Variants in YME1L1 observed in about 807,000 individuals in gnomAD.
The protein encoded by YME1L1 is ATP-dependent zinc metalloprotease YME1L1.
In YME1L1, 39 loss-of-function variants were observed where a neutral mutation model predicts 90.4. That is an observed-to-expected ratio of 0.43 (90% CI 0.33 to 0.56). The LOEUF is 0.56. Ranked by LOEUF, YME1L1 falls within the 20% of genes least tolerant of loss-of-function variation. The pLI is 0.03. For synonymous variants in YME1L1, 284 were observed against 287.3 expected, an observed-to-expected ratio of 0.99 and a Z score of 0.12; for missense variants, 617 against 868.4, an observed-to-expected ratio of 0.71 and a Z score of 3.64.
intron 12 of YME1L1, among the ~76,000 whole-genome samples, chr10:27,120,994 GTTAAT>G (rs1270952790): frequency 2.8e-5 from 4 of 141,008 alleles, no homozygotes; most frequent in African/African-American, 5.4e-5. Flanking sequence ...TAATACTACA[GTTAAT>G]TTATTTTAAA....
chr10:27,126,225 T>C (rs1327515711), intron 9 of YME1L1, among the ~76,000 whole-genome samples: 1 of 152,094 alleles, frequency 6.6e-6, no homozygotes, highest in Non-Finnish European at 1.5e-5. Context: ...AGTGGATCGC[T>C]TGAGCCCAGG....
chr10:27,147,522 T>C, intron 2 of YME1L1: 3 of 1,607,956 alleles, frequency 1.9e-6, no homozygotes, highest in African/African-American at 1.4e-5. Flanking sequence ...AGAAGGGTTC[T>C]GGACGGATGT....
At chr10:27,144,985 C>A (rs950666042) in intron 3 of YME1L1, among the ~76,000 whole-genome samples, 5 of 151,852 alleles carry the variant, frequency 3.3e-5, no homozygotes, top group Non-Finnish European at 7.4e-5. Context: ...ACTAAAAATA[C>A]AAAAAATTAG....
At chr10:27,133,172 T>G (rs2056993750) in intron 7 of YME1L1, among the ~76,000 whole-genome samples, 1 of 152,240 alleles carries the variant, frequency 6.6e-6, no homozygotes, top group South Asian at 2.1e-4. Flanking sequence ...TCATGTAGTC[T>G]TCTTCCTCTG....
In YME1L1 at chr10:27,111,960, C is replaced by T. The variant is rs781363362; in HGVS notation, c.*17G>A. 7.4e-6 allele frequency: 12 copies of T among 1,613,826 alleles called. No individual in the cohort carries two copies. Among genetic ancestry groups the T allele is most frequent in the Middle Eastern group, 3.3e-4 (2 of 6,056 alleles). On this transcript the variant is annotated 3_prime_UTR_variant, in exon 19 of 19. Coordinates refer to ENST00000376016, the MANE Select transcript of YME1L1 (RefSeq NM_014263.4). ...TTCTTGCAATAAAACCAGCAAGCAT[C>T]CATATCAAGAGAGTTATCATCTCAC...
At chr10:27,146,991 G>A in intron 2 of YME1L1, 1 of 188,450 alleles carries the variant, frequency 5.3e-6, no homozygotes, top group South Asian at 1.2e-4. Flanking sequence ...ATACTTAAAA[G>A]TACTTTTTAA....
At chr10:27,133,961 G>C (rs2057000975) in intron 7 of YME1L1, 78 bp downstream of exon 7, 5 of 978,588 alleles carry the variant, frequency 5.1e-6, no homozygotes, top group Non-Finnish European at 6.2e-6. Flanking sequence ...CTTTCTTTAA[G>C]GGTTAGATTA....
In YME1L1 at chr10:27,145,539, T is replaced by C. The variant is rs369541464; in HGVS notation, c.220A>G (p.Ile74Val). The change falls in exon 3 of 19, where the codon ATT (isoleucine) becomes GTT (valine). Residue 74 changes from isoleucine (I) to valine (V), a missense_variant. Coordinates refer to ENST00000376016, the MANE Select transcript of YME1L1 (RefSeq NM_014263.4). ...LGLSELKIGQ[I>V]DQLVENLLPG... ...AGTAGATTTTCTACCAGCTGATCAA[T>C]CTGTCCAATTTTTAGTTCAGATAAT... The C allele has an allele frequency of 6.2e-7, 1 of 1,613,662 alleles. No individual in the cohort carries two copies. Among genetic ancestry groups the C allele is most frequent in the South Asian group, 1.1e-5 (1 of 91,054 alleles).
intron 7 of YME1L1, among the ~76,000 whole-genome samples, chr10:27,132,688 G>A (rs1182730873): frequency 4.6e-5 from 7 of 151,714 alleles, no homozygotes; most frequent in Admixed American, 1.3e-4. Flanking sequence ...GCATGGTGGC[G>A]CAAGCCTGTA....
intron 3 of YME1L1, among the ~76,000 whole-genome samples, chr10:27,144,171 C>A (rs183784707): frequency 5.7e-4 from 87 of 152,314 alleles, no homozygotes; most frequent in African/African-American, 2.0e-3. Flanking sequence ...TGTAAATATG[C>A]AGACTAGAAG....
intron 6 of YME1L1, 47 bp downstream of exon 6, chr10:27,134,784 C>A: frequency 6.3e-7 from 1 of 1,595,762 alleles, no homozygotes; most frequent in Non-Finnish European, 8.6e-7. Flanking sequence ...ACTATGACTT[C>A]CTTTCAGTTA....
chr10:27,149,796 C>T (rs916673416), intron 1 of YME1L1, among the ~76,000 whole-genome samples: 15 of 148,014 alleles, frequency 1.0e-4, no homozygotes, highest in African/African-American at 3.5e-4. Flanking sequence ...GTAAGTAGGC[C>T]GGGAATGGTG....
chr10:27,136,422 T>TTATA, intron 4 of YME1L1, 37 bp from the exon 5 acceptor site: 1 of 1,539,848 alleles, frequency 6.5e-7, no homozygotes, highest in Non-Finnish European at 8.9e-7. Flanking sequence ...CACTATAAAT[T>TTATA]GTTACAGGAA....
chr10:27,150,224 T>C (rs781443527), intron 1 of YME1L1, among the ~76,000 whole-genome samples: 1 of 152,110 alleles, frequency 6.6e-6, no homozygotes, highest in Admixed American at 6.6e-5. Context: ...ACTTAATAAA[T>C]ATTTGTTGAG....
intron 8 of YME1L1, among the ~76,000 whole-genome samples, chr10:27,130,876 G>T (rs2056971071): frequency 6.6e-6 from 1 of 152,124 alleles, no homozygotes; most frequent in Non-Finnish European, 1.5e-5. Context: ...AAAAATCTCA[G>T]TAAATGTCAA....
chr10:27,138,999 A>G (rs1351767640), intron 4 of YME1L1, among the ~76,000 whole-genome samples: 2 of 152,158 alleles, frequency 1.3e-5, no homozygotes, highest in African/African-American at 4.8e-5. Context: ...TTTCTTTTCT[A>G]ATCAATATGA....
chr10:27,119,442 A>G lies in YME1L1; in HGVS notation c.1419T>C (p.Asp473=), dbSNP rs778929382. Residue 473 remains aspartate (D), a synonymous_variant, in exon 14 of 19, where the codon GAT becomes GAC. Transcript: ENST00000376016. The part of the protein sequence containing the change: ...LNKIKFDQSV[D]PEIIARGTVG... ...CAGTACCTCGAGCTATAATTTCTGGATCAACGGCTAATGTAAAAAGAGAAC... is the reference window on the plus strand; with the variant it reads ...CAGTACCTCGAGCTATAATTTCTGGGTCAACGGCTAATGTAAAAAGAGAAC... 1.2e-6 allele frequency: 2 copies of G among 1,605,102 alleles called. No homozygotes were observed. The highest frequency in any genetic ancestry group is 1.7e-6 in the Non-Finnish European group (2 of 1,177,574).
intron 7 of YME1L1, among the ~76,000 whole-genome samples, chr10:27,133,355 C>G (rs1378505258): frequency 1.3e-5 from 2 of 152,062 alleles, no homozygotes; most frequent in African/African-American, 4.8e-5. Context: ...CAAACTAGAG[C>G]AGTTATAAAT....
rs11015545 is a variant in YME1L1 at position 27,120,980 on chromosome 10, G to T, written c.1298+406C>A. 4.4e-4 allele frequency among the ~76,000 whole-genome samples: 63 copies of T among 144,548 alleles called. 1 individual carries two copies. The East Asian group carries it at 0.015, about 34-fold the overall frequency. 94.8% of individuals were successfully genotyped at this position (144,548 alleles called of 152,430 possible). On this transcript the variant is annotated intron_variant, in intron 12 of 18. Coordinates refer to ENST00000376016, the MANE Select transcript of YME1L1 (RefSeq NM_014263.4). ...TTTTTTCATAGTAACTTTAAACCTA[G>T]TTATAATACTACAGTTAATTTATTT...
Sources: allele counts gnomAD v4.1 joint callset (sites outside exome capture counted in the v4.1 genomes callset), GRCh38; gene constraint gnomAD v4.1.1; transcripts MANE v1.5; gene names NCBI Gene and HGNC (gene_info 2026-07-23, HGNC 2026-07-21).